ATE1: variants seen among roughly 807,000 people sequenced by gnomAD.
ATE1 encodes arginyltransferase 1.
ATE1 carries 36 observed loss-of-function variants against 70.5 expected under a neutral mutation model. The observed-to-expected ratio is 0.51, with a 90% CI of 0.39 to 0.67. The LOEUF (loss-of-function observed/expected upper bound fraction) is 0.67, where lower values mean the gene tolerates loss of function less well. Among genes scored for constraint, ATE1 ranks in the 30% least tolerant of loss-of-function variants. The pLI is 0.00. For missense variants in ATE1, 593 were observed against 629.5 expected, an observed-to-expected ratio of 0.94 and a Z score of 0.62; for synonymous variants, 232 against 219.3, an observed-to-expected ratio of 1.06 and a Z score of -0.51.
chr10:121,892,049 G>A (rs1406848281), intron 7 of ATE1, among the ~76,000 whole-genome samples: 2 of 152,108 alleles, frequency 1.3e-5, no homozygotes, highest in African/African-American at 4.8e-5. Context: ...ATGTACAGGG[G>A]AAAAGTACAT....
At chr10:121,791,055 CGTGTGTGTGTGTGTGTGT>C (rs71189171) in intron 10 of ATE1, among the ~76,000 whole-genome samples, 1 of 135,870 alleles carries the variant, frequency 7.4e-6, no homozygotes, top group African/African-American at 2.8e-5. Flanking sequence ...TATATGTATA[CGTGTGTGTGTGTGTGTGT>C]GTGTGTGTGT....
chr10:121,900,814 G>A (rs1483138797), intron 6 of ATE1, among the ~76,000 whole-genome samples: 1 of 152,180 alleles, frequency 6.6e-6, no homozygotes, highest in Non-Finnish European at 1.5e-5. Flanking sequence ...CTGGAGAACT[G>A]TTATGTTAAG....
At chr10:121,792,122 T>A (rs10788210) in intron 10 of ATE1, among the ~76,000 whole-genome samples, 144,619 of 152,292 alleles carry the variant, frequency 0.95, 68,860 homozygotes, top group Non-Finnish European at 0.98. Flanking sequence ...TGGGGTTTTA[T>A]TGAGGACTTA....
rs1463415686 is a variant in ATE1, at chr10:121,770,145, C to A, written c.1378+20024G>T. 2.6e-5 allele frequency among the ~76,000 whole-genome samples: 4 copies of A among 151,334 alleles called. No individual in the cohort carries two copies. In the East Asian group the frequency reaches 7.8e-4, roughly 29 times the overall value. On this transcript the variant is annotated intron_variant, in intron 11 of 11. Transcript: ENST00000224652. Reference sequence around the variant, plus strand: ...GGTTAAATGGCTAAACGAAGTATAACATATCTAACATCCATGCCATGGAAT... The same window carrying A: ...GGTTAAATGGCTAAACGAAGTATAAAATATCTAACATCCATGCCATGGAAT...
intron 11 of ATE1, among the ~76,000 whole-genome samples, chr10:121,777,727 G>C (rs1945806833): frequency 6.6e-6 from 1 of 152,164 alleles, no homozygotes; most frequent in East Asian, 1.9e-4. Flanking sequence ...GATTCCACAG[G>C]AAATACTATG....
chr10:121,898,123 G>C (rs1386194493), intron 7 of ATE1, among the ~76,000 whole-genome samples: 1 of 151,972 alleles, frequency 6.6e-6, no homozygotes, highest in Non-Finnish European at 1.5e-5. Context: ...TGACAACGAT[G>C]CCATCTCATT....
At chr10:121,840,579 C>T (rs867642261) in intron 9 of ATE1, among the ~76,000 whole-genome samples, 5 of 152,092 alleles carry the variant, frequency 3.3e-5, no homozygotes, top group African/African-American at 9.6e-5. Context: ...GTATAAACAA[C>T]AAAAGCTACC....
At chr10:121,820,772 T>G (rs1209038226) in intron 10 of ATE1, among the ~76,000 whole-genome samples, 1 of 152,190 alleles carries the variant, frequency 6.6e-6, no homozygotes, top group East Asian at 1.9e-4. Flanking sequence ...TTTAACTAAG[T>G]TATTAAACTG....
chr10:121,867,706 T>C, intron 8 of ATE1, among the ~76,000 whole-genome samples: 1 of 152,358 alleles, frequency 6.6e-6, no homozygotes, highest in South Asian at 2.1e-4. Flanking sequence ...TACTTTTCTG[T>C]GCACTTAAAT....
chr10:121,909,435 A>T lies in ATE1; in HGVS notation c.583+1471T>A, dbSNP rs533390220. On this transcript the variant is annotated intron_variant, in intron 5 of 11. Transcript: ENST00000224652. ...CAAGTATAATAATGGTATTGTGAAT[A>T]TTTTTTTTAAAGTTCTTATCTTTTA... Among the ~76,000 whole-genome samples the T allele has an allele frequency of 3.9e-5, 6 of 152,208 alleles. No homozygotes were observed. In the East Asian group the frequency reaches 9.6e-4, roughly 24 times the overall value.
At chr10:121,823,168 T>G (rs1394604160) in intron 10 of ATE1, among the ~76,000 whole-genome samples, 1 of 152,012 alleles carries the variant, frequency 6.6e-6, no homozygotes, top group African/African-American at 2.4e-5. Context: ...CGGGCGCCTT[T>G]AGTCCCAGCT....
At chr10:121,901,538 C>T (rs1950982543) in intron 6 of ATE1, among the ~76,000 whole-genome samples, 1 of 152,104 alleles carries the variant, frequency 6.6e-6, no homozygotes, top group African/African-American at 2.4e-5. Flanking sequence ...CTCGCTACAA[C>T]CTCCACCTCC....
chr10:121,765,099 G>C (rs1218779650), intron 11 of ATE1, among the ~76,000 whole-genome samples: 1 of 152,130 alleles, frequency 6.6e-6, no homozygotes. Context: ...GCCAAAGCTG[G>C]GTAGACAGAA....
At chr10:121,769,870 G>A (rs1945429192) in intron 11 of ATE1, among the ~76,000 whole-genome samples, 4 of 152,208 alleles carry the variant, frequency 2.6e-5, no homozygotes, top group South Asian at 2.1e-4. Context: ...CCAAATGTGG[G>A]TAAACATGAA....
chr10:121,920,767 G>C (rs1951849646), intron 3 of ATE1, among the ~76,000 whole-genome samples: 1 of 152,132 alleles, frequency 6.6e-6, no homozygotes, highest in Non-Finnish European at 1.5e-5. Flanking sequence ...GGCTGAGGCA[G>C]GTGGATCATG....
intron 7 of ATE1, among the ~76,000 whole-genome samples, chr10:121,876,686 G>C (rs1950059187): frequency 6.6e-6 from 1 of 152,156 alleles, no homozygotes; most frequent in East Asian, 1.9e-4. Flanking sequence ...TTGTGTTGCT[G>C]CCGGGCGCGG....
At chr10:121,809,912 A>C (rs1216092147) in intron 10 of ATE1, among the ~76,000 whole-genome samples, 2 of 152,210 alleles carry the variant, frequency 1.3e-5, no homozygotes, top group Middle Eastern at 3.4e-3. Context: ...CAAAAAAAAA[A>C]ACAATGCACC....
intron 8 of ATE1, among the ~76,000 whole-genome samples, chr10:121,857,725 G>C (rs1295319446): frequency 1.3e-5 from 2 of 152,172 alleles, no homozygotes; most frequent in African/African-American, 4.8e-5. Context: ...CAATTTGTAA[G>C]TGTACAGTTT....
intron 7 of ATE1, among the ~76,000 whole-genome samples, chr10:121,882,792 C>T (rs1445813612): frequency 6.6e-6 from 1 of 152,224 alleles, no homozygotes; most frequent in Non-Finnish European, 1.5e-5. Context: ...GAATCAGCAT[C>T]CATTTCATGC....
Sources: gnomAD v4.1 joint callset for allele counts (sites outside exome capture counted in the v4.1 genomes callset) on GRCh38, gnomAD v4.1.1 for gene constraint, MANE v1.5 for transcripts, NCBI Gene and HGNC (gene_info 2026-07-23, HGNC 2026-07-21) for gene names.